Variants in SPMIP6 observed in about 807,000 individuals in gnomAD.
The protein encoded by SPMIP6 is ciliated bronchial epithelial protein 1.
At chr9:34,379,226 A>G in the SPMIP6 span, 1 of 1,144,090 alleles carries the variant, frequency 8.7e-7, no homozygotes. The surrounding 1 kb of genome is among the most constrained non-coding windows in gnomAD (Gnocchi z 4.2). Context: ...TCATATGTCA[A>G]AGTGAATATC....
the SPMIP6 span, chr9:34,385,822 G>C: frequency 1.3e-6 from 2 of 1,594,710 alleles, no homozygotes; most frequent in Non-Finnish European, 1.7e-6. Context: ...GGGGCACAGA[G>C]ACCCCAGCCC....
At chr9:34,384,822 G>A in the SPMIP6 span, among the ~76,000 whole-genome samples, 2 of 152,210 alleles carry the variant, frequency 1.3e-5, no homozygotes, top group African/African-American at 2.4e-5. Context: ...TGAGGAAATA[G>A]AGACAGTGAG....
the SPMIP6 span, among the ~76,000 whole-genome samples, chr9:34,385,379 A>T: frequency 6.6e-6 from 1 of 151,848 alleles, no homozygotes; most frequent in South Asian, 2.1e-4. Context: ...TGAAAATACA[A>T]AAATTAGCCG....
At chr9:34,391,907 T>C in the SPMIP6 span, among the ~76,000 whole-genome samples, 29 of 151,556 alleles carry the variant, frequency 1.9e-4, no homozygotes, top group Admixed American at 5.3e-4. Context: ...TTTGCTTTTT[T>C]TGGGGGTTGG....
the SPMIP6 span, among the ~76,000 whole-genome samples, chr9:34,396,000 T>C: frequency 2.0e-5 from 3 of 152,320 alleles, no homozygotes; most frequent in East Asian, 5.8e-4. Context: ...TCTTTTCTCC[T>C]AACAATTTCA....
At chr9:34,390,313 C>A in the SPMIP6 span, among the ~76,000 whole-genome samples, 20 of 152,024 alleles carry the variant, frequency 1.3e-4, no homozygotes, top group Non-Finnish European at 2.6e-4. Flanking sequence ...CTAAGTTTTT[C>A]TTTTTTAGTT....
the SPMIP6 span, among the ~76,000 whole-genome samples, chr9:34,384,897 G>A: frequency 6.6e-6 from 1 of 152,110 alleles, no homozygotes; most frequent in South Asian, 2.1e-4. Flanking sequence ...TTTTAGTTGG[G>A]AAGAAACTAG....
chr9:34,379,132 AGTTGTTTCTCTG>A, the SPMIP6 span: 1 of 1,613,944 alleles, frequency 6.2e-7, no homozygotes, highest in Non-Finnish European at 8.5e-7. This position sits in a 1 kb window ranked among gnomAD's most constrained non-coding sequence, Gnocchi z 4.2. Flanking sequence ...TGGATAACAT[AGTTGTTTCTCTG>A]GGGACCACCA....
chr9:34,388,445 C>G, the SPMIP6 span, among the ~76,000 whole-genome samples: 1 of 152,136 alleles, frequency 6.6e-6, no homozygotes, highest in Non-Finnish European at 1.5e-5. Flanking sequence ...AGCCACCTCA[C>G]CTGGCCTAAC....
the SPMIP6 span, among the ~76,000 whole-genome samples, chr9:34,390,535 T>C: frequency 6.6e-6 from 1 of 152,248 alleles, no homozygotes; most frequent in Non-Finnish European, 1.5e-5. Context: ...ATTTTTCTAA[T>C]GTTAAACTAT....
At chr9:34,379,521 G>T in the SPMIP6 span, 1 of 853,422 alleles carries the variant, frequency 1.2e-6, no homozygotes, top group Non-Finnish European at 2.0e-6. The surrounding 1 kb of genome is among the most constrained non-coding windows in gnomAD (Gnocchi z 4.2). Context: ...GCTCCCCCTC[G>T]TGGTATGTGC....
At chr9:34,381,483 G>T in the SPMIP6 span, 9 of 1,613,570 alleles carry the variant, frequency 5.6e-6, no homozygotes, top group East Asian at 4.5e-5. The surrounding 1 kb of genome is among the most constrained non-coding windows in gnomAD (Gnocchi z 4.4). Context: ...CTCTGACCTG[G>T]CAGAGCTGCT....
the SPMIP6 span, among the ~76,000 whole-genome samples, chr9:34,385,094 T>G: frequency 6.6e-6 from 1 of 151,914 alleles, no homozygotes; most frequent in East Asian, 1.9e-4. Flanking sequence ...CCAGGGCCCT[T>G]CCAGGTTTTT....
the SPMIP6 span, chr9:34,381,736 G>C: frequency 7.6e-7 from 1 of 1,323,584 alleles, no homozygotes; most frequent in Non-Finnish European, 9.7e-7. The surrounding 1 kb of genome is among the most constrained non-coding windows in gnomAD (Gnocchi z 4.4). Flanking sequence ...TTGTCTAGCT[G>C]ACTCTGTTTA....
the SPMIP6 span, among the ~76,000 whole-genome samples, chr9:34,394,074 A>G: frequency 6.6e-6 from 1 of 152,214 alleles, no homozygotes; most frequent in Admixed American, 6.5e-5. Context: ...TTCCTGTCTC[A>G]GCCTTCCAAA....
chr9:34,397,343 T>C, the SPMIP6 span, among the ~76,000 whole-genome samples: 22 of 152,258 alleles, frequency 1.4e-4, no homozygotes, highest in Non-Finnish European at 2.6e-4. Flanking sequence ...AGGCAGGATT[T>C]TGTGCTGTTT....
At chr9:34,385,767 GGTA>G in the SPMIP6 span, 2 of 1,613,454 alleles carry the variant, frequency 1.2e-6, no homozygotes, top group Admixed American at 3.3e-5. Flanking sequence ...GTCGCTCCAT[GGTA>G]TGAGTCAGAC....
the SPMIP6 span, among the ~76,000 whole-genome samples, chr9:34,380,426 C>G: frequency 6.6e-6 from 1 of 152,136 alleles, no homozygotes; most frequent in Non-Finnish European, 1.5e-5. Flanking sequence ...CAGGAATGAC[C>G]GCACCCACTA....
the SPMIP6 span, among the ~76,000 whole-genome samples, chr9:34,383,310 G>C: frequency 6.6e-6 from 1 of 152,196 alleles, no homozygotes. Context: ...GATCACTTGA[G>C]GTCAGGAGTT....
Sources: allele counts gnomAD v4.1 joint callset (sites outside exome capture counted in the v4.1 genomes callset), GRCh38; gene constraint gnomAD v4.1.1; non-coding constraint Gnocchi (gnomAD v3.1); transcripts MANE v1.5; gene names NCBI Gene and HGNC (gene_info 2026-07-23, HGNC 2026-07-21).